Variants in RETREG3 observed in about 807,000 individuals in gnomAD.
RETREG3 encodes the protein reticulophagy regulator 3.
Under a neutral mutation model 50.2 loss-of-function variants are expected in RETREG3, and 23 were observed. That is an observed-to-expected ratio of 0.46 (90% CI 0.33 to 0.65). The LOEUF (loss-of-function observed/expected upper bound fraction) is 0.65, where lower values mean the gene tolerates loss of function less well. RETREG3 is among the 30% of genes least tolerant of loss of function. The probability of loss-of-function intolerance (pLI) is 0.02; values close to 1 mark genes in which losing one functional copy is unlikely to be tolerated. For missense variants in RETREG3, 546 were observed against 598.0 expected, an observed-to-expected ratio of 0.91 and a Z score of 0.91; for synonymous variants, 240 against 234.4, an observed-to-expected ratio of 1.02 and a Z score of -0.22.
chr17:42,591,213 C>T (rs948207460), intron 2 of RETREG3, among the ~76,000 whole-genome samples: 3 of 152,198 alleles, frequency 2.0e-5, no homozygotes, highest in Non-Finnish European at 4.4e-5. Flanking sequence ...GGAAAAAATA[C>T]ATGCTAAGTA....
At chr17:42,587,776 G>A (rs2093124109) in intron 3 of RETREG3, 58 bp downstream of exon 3, 1 of 1,594,864 alleles carries the variant, frequency 6.3e-7, no homozygotes, top group Admixed American at 1.7e-5. Context: ...CATGTAACCA[G>A]AATATTACAA....
In RETREG3 at chr17:42,592,106, A is replaced by C; in HGVS notation, c.296T>G (p.Ile99Ser). The change falls in exon 2 of 9, where the codon ATC becomes AGC. Residue 99 changes from isoleucine (I) to serine (S), a missense_variant. Ile to Ser is a moderately radical substitution (Grantham distance 142). Transcript: ENST00000309428. ...CTTCCATTGATCAATACACACAATG[A>C]TCATCAAGCCAAATGCAAGTAAAAA... is the stretch of plus-strand genomic sequence containing the variant. ...LVFLLAFGLMIIVCIDQWKNK... is the reference protein window; with the variant it reads ...LVFLLAFGLMSIVCIDQWKNK... The C allele has an allele frequency of 6.2e-7, 1 of 1,614,090 alleles. No homozygotes were observed. The highest frequency in any genetic ancestry group is 8.5e-7 in the Non-Finnish European group (1 of 1,180,000).
At chr17:42,598,882 A>T (rs555758611) in intron 1 of RETREG3, 2 of 152,196 alleles carry the variant, frequency 1.3e-5, no homozygotes, top group Non-Finnish European at 2.9e-5. Flanking sequence ...GGGCTGTAAC[A>T]AGCAATTTAA....
intron 1 of RETREG3, among the ~76,000 whole-genome samples, chr17:42,599,653 C>CAA (rs71157649): frequency 0.048 from 5,183 of 108,158 alleles, 241 homozygotes; most frequent in East Asian, 0.17. Context: ...GGCTCCGTCT[C>CAA]AAAAAAAAAA....
At chr17:42,591,120 C>A (rs1270678020) in intron 2 of RETREG3, among the ~76,000 whole-genome samples, 1 of 152,230 alleles carries the variant, frequency 6.6e-6, no homozygotes, top group Non-Finnish European at 1.5e-5. Context: ...GTTCCTCAGA[C>A]TAATCAAGCC....
intron 1 of RETREG3, among the ~76,000 whole-genome samples, chr17:42,601,628 C>CT (rs750926453): frequency 0.48 from 38,250 of 79,828 alleles, 12,103 homozygotes; most frequent in South Asian, 0.6. Context: ...AAGGTTCCAA[C>CT]TTTTTTTTTT....
At position 42,585,129 on chromosome 17, in the gene RETREG3, T is replaced by C. The variant is rs2093118690; in HGVS notation, c.723A>G (p.Arg241=). ...RGYMMSKQRE[R]QLRRRALHPE... ...GAATGACACCATGACACTTACATTGTCTCTCTCTCTGCTTGGACATCATGT... is the reference window on the plus strand; with the variant it reads ...GAATGACACCATGACACTTACATTGCCTCTCTCTCTGCTTGGACATCATGT... Residue 241 remains arginine, a synonymous_variant, in exon 6 of 9, where the codon AGA becomes AGG. Transcript: ENST00000309428. The C allele has an allele frequency of 1.9e-6, 3 of 1,598,834 alleles. No individual in the cohort carries two copies. Among genetic ancestry groups the C allele is most frequent in the Non-Finnish European group, 2.6e-6 (3 of 1,168,706 alleles).
chr17:42,609,056 G>C (rs920974927), intron 1 of RETREG3, 30 bp downstream of exon 1: 3 of 1,592,494 alleles, frequency 1.9e-6, no homozygotes, highest in South Asian at 2.2e-5. Flanking sequence ...TTCGGGACTC[G>C]GAGGGTTTCC....
chr17:42,588,764 T>C (rs1331383764), intron 2 of RETREG3, among the ~76,000 whole-genome samples: 5 of 151,970 alleles, frequency 3.3e-5, no homozygotes, highest in African/African-American at 1.2e-4. Context: ...TTCAAGCAAT[T>C]CTCCTGCCTC....
Position 42,594,633 on chromosome 17 carries a change from G to A in RETREG3, c.240-2471C>T, listed in dbSNP as rs1372245771. ...CTGAGGCGGGCAGATCACGAGGTCA[G>A]GAGATCGAGACCATCCTGGCTAACT... On this transcript the variant is annotated intron_variant, in intron 1 of 8. Coordinates refer to ENST00000309428, the MANE Select transcript of RETREG3 (RefSeq NM_178126.4). Among the ~76,000 whole-genome samples the A allele has an allele frequency of 2.0e-5, 3 of 151,894 alleles. No individual in the cohort carries two copies. The East Asian group carries it at 5.8e-4, about 30-fold the overall frequency.
chr17:42,601,002 G>T (rs748510126), intron 1 of RETREG3, among the ~76,000 whole-genome samples: 3 of 152,108 alleles, frequency 2.0e-5, no homozygotes, highest in African/African-American at 7.2e-5. Context: ...TGGGCCAGGC[G>T]CAGTGGCTCA....
chr17:42,584,638 C>G (rs1301713766), intron 6 of RETREG3, among the ~76,000 whole-genome samples: 1 of 151,830 alleles, frequency 6.6e-6, no homozygotes, highest in Non-Finnish European at 1.5e-5. Flanking sequence ...GAGACCCCAT[C>G]TCTACAAAAA....
At position 42,586,511 on chromosome 17, in the gene RETREG3, A is replaced by G. The variant is rs936095313; in HGVS notation, c.504+254T>C. 27 of 429,466 alleles carry G rather than the reference A, an allele frequency of 6.3e-5. 1 individual carries two copies. Among genetic ancestry groups the G allele is most frequent in the African/African-American group, 5.4e-4 (27 of 50,278 alleles). 26.6% of individuals were successfully genotyped at this position (429,466 alleles called of 1,614,324 possible). ...TAATATGACACAGAATGTACACAAGAAAGCTTTCTTTCCTATCTTGAAGCA... is the reference window on the plus strand; with the variant it reads ...TAATATGACACAGAATGTACACAAGGAAGCTTTCTTTCCTATCTTGAAGCA... On this transcript the variant is annotated intron_variant, in intron 4 of 8. Coordinates refer to ENST00000309428, the MANE Select transcript of RETREG3 (RefSeq NM_178126.4).
intron 1 of RETREG3, among the ~76,000 whole-genome samples, chr17:42,607,241 A>G (rs1370573903): frequency 6.6e-6 from 1 of 151,810 alleles, no homozygotes; most frequent in Non-Finnish European, 1.5e-5. Flanking sequence ...GCTCATGCCT[A>G]TAATCCCAGC....
At chr17:42,586,602 C>A (rs1042659940) in intron 4 of RETREG3, among the ~76,000 whole-genome samples, 163 bp downstream of exon 4, 1 of 152,188 alleles carries the variant, frequency 6.6e-6, no homozygotes, top group African/African-American at 2.4e-5. Context: ...TGTGTTAGTC[C>A]TAATGGCTGG....
chr17:42,596,752 A>T (rs1411771061), intron 1 of RETREG3: 1 of 152,160 alleles, frequency 6.6e-6, no homozygotes, highest in Non-Finnish European at 1.5e-5. Flanking sequence ...ACACTTATCT[A>T]TACCATTTTA....
chr17:42,587,301 G>A (rs958092029), intron 3 of RETREG3, among the ~76,000 whole-genome samples: 2 of 152,150 alleles, frequency 1.3e-5, no homozygotes, highest in African/African-American at 4.8e-5. Flanking sequence ...CCCTTAGAAA[G>A]AAAATAAATA....
At chr17:42,601,511 T>G (rs1201974889) in intron 1 of RETREG3, among the ~76,000 whole-genome samples, 2 of 145,274 alleles carry the variant, frequency 1.4e-5, no homozygotes, top group African/African-American at 5.1e-5. Flanking sequence ...AGGCGGAGCT[T>G]GCAGTGAGCC....
At chr17:42,596,842 A>C (rs1321073852) in intron 1 of RETREG3, among the ~76,000 whole-genome samples, 1 of 150,506 alleles carries the variant, frequency 6.6e-6, no homozygotes, top group Non-Finnish European at 1.5e-5. Context: ...CTTTGAGGTG[A>C]TCTGTCTATT....
Sources: allele counts gnomAD v4.1 joint callset (sites outside exome capture counted in the v4.1 genomes callset), GRCh38; gene constraint gnomAD v4.1.1; transcripts MANE v1.5; gene names NCBI Gene and HGNC (gene_info 2026-07-23, HGNC 2026-07-21).